The following ARV1 variants were observed in gnomAD, a reference collection of about 807,000 sequenced individuals.
ARV1 encodes ARV1 fatty acid homeostasis modulator.
In ARV1, 26 loss-of-function variants were observed where a neutral mutation model predicts 31.1. That is an observed-to-expected ratio of 0.84 (90% CI 0.61 to 1.16). The LOEUF is 1.16. ARV1 is among the 50% of genes most tolerant of loss of function. The probability of loss-of-function intolerance (pLI) is 0.00; values close to 1 mark genes in which losing one functional copy is unlikely to be tolerated. For synonymous variants in ARV1, 117 were observed against 123.2 expected, an observed-to-expected ratio of 0.95 and a Z score of 0.34; for missense variants, 281 against 324.9, an observed-to-expected ratio of 0.86 and a Z score of 1.04.
At chr1:230,986,666 C>CTTTTTTTTTT (rs1558242688) in intron 1 of ARV1, among the ~76,000 whole-genome samples, 17 of 79,688 alleles carry the variant, frequency 2.1e-4, no homozygotes, top group Non-Finnish European at 2.7e-4. Context: ...AATACTTTTC[C>CTTTTTTTTTT]TATTTTTTTT....
In ARV1 at chr1:230,979,235, T is replaced by A. The variant is rs1300732637; in HGVS notation, c.130T>A (p.Leu44Met). The change falls in exon 1 of 6, where the codon TTG (leucine) becomes ATG (methionine). Residue 44 changes from leucine (L) to methionine (M), a missense_variant. Leu to Met is a conservative substitution (Grantham distance 15). Coordinates refer to ENST00000310256, the MANE Select transcript of ARV1 (RefSeq NM_022786.3). Reference sequence around the variant, plus strand: ...CGAATGCAACCAGGAGGCCAAAGAGTTGTACCGAGACTATAACCACGGTGT... The same window carrying A: ...CGAATGCAACCAGGAGGCCAAAGAGATGTACCGAGACTATAACCACGGTGT... ...CIECNQEAKE[L>M]YRDYNHGVLK... 1 of 1,612,740 alleles carries A rather than the reference T, an allele frequency of 6.2e-7. No homozygotes were observed. Among genetic ancestry groups the A allele is most frequent in the African/African-American group, 1.3e-5 (1 of 74,734 alleles).
intron 3 of ARV1, among the ~76,000 whole-genome samples, chr1:230,995,054 G>C (rs1457080900): frequency 6.6e-6 from 1 of 152,156 alleles, no homozygotes; most frequent in East Asian, 1.9e-4. Context: ...GGATACAGTT[G>C]GGTAATCGGA....
Position 230,990,261 on chromosome 1 carries a change from T to C in ARV1, c.446T>C (p.Leu149Ser), listed in dbSNP as rs1168735375. Residue 149 changes from leucine to serine, a missense_variant and splice_region_variant, in exon 3 of 6, where the codon TTA (leucine) becomes TCA (serine). Leu to Ser is a moderately radical substitution (Grantham distance 145). Coordinates refer to ENST00000310256, the MANE Select transcript of ARV1 (RefSeq NM_022786.3). ...TATAGAATGTTTGCGATTGCTGCTTTAGGTAAGGAGATGCCATGCTTTCCA... is the reference window on the plus strand; with the variant it reads ...TATAGAATGTTTGCGATTGCTGCTTCAGGTAAGGAGATGCCATGCTTTCCA... Reference protein sequence around the residue: ...DFYRMFAIAALEQTAYFIGIF... With the variant: ...DFYRMFAIAASEQTAYFIGIF... 6.2e-7 allele frequency: 1 copy of C among 1,612,864 alleles called. No homozygotes were observed. The highest frequency in any genetic ancestry group is 8.5e-7 in the Non-Finnish European group (1 of 1,179,844).
chr1:230,984,351 TGTGTGTGTGTGC>T (rs1363516486), intron 1 of ARV1, among the ~76,000 whole-genome samples: 15 of 71,350 alleles, frequency 2.1e-4, no homozygotes, highest in East Asian at 1.9e-3. Context: ...TTCGTGTGTG[TGTGTGTGTGTGC>T]GTGTGTGTGT....
At chr1:230,998,245 A>C (rs1455014805) in intron 5 of ARV1, among the ~76,000 whole-genome samples, 1 of 152,126 alleles carries the variant, frequency 6.6e-6, no homozygotes, top group African/African-American at 2.4e-5. Flanking sequence ...TGAGGAAAAC[A>C]CTGGAGCAGA....
Position 230,990,249 on chromosome 1 carries a change from C to A in ARV1, c.434C>A (p.Ala145Glu), listed in dbSNP as rs372883498. Residue 145 changes from alanine (A) to glutamate (E), a missense_variant, in exon 3 of 6, where the codon GCG (alanine) becomes GAG (glutamate). Physicochemically the swap from Ala to Glu is moderately radical, Grantham distance 107 (BLOSUM62 -1). Transcript: ENST00000310256. ...GAATGGGATTTCTATAGAATGTTTG[C>A]GATTGCTGCTTTAGGTAAGGAGATG... is the stretch of plus-strand genomic sequence containing the variant. ...AKEWDFYRMFAIAALEQTAYF... is the reference protein window; with the variant it reads ...AKEWDFYRMFEIAALEQTAYF... The A allele has an allele frequency of 1.9e-6, 3 of 1,612,298 alleles. No individual in the cohort carries two copies. Among genetic ancestry groups the A allele is most frequent in the Non-Finnish European group, 1.7e-6 (2 of 1,179,724 alleles).
At chr1:230,989,666 C>T (rs1679176049) in intron 2 of ARV1, among the ~76,000 whole-genome samples, 1 of 152,168 alleles carries the variant, frequency 6.6e-6, no homozygotes, top group African/African-American at 2.4e-5. Context: ...ATGGAATCTT[C>T]AGATTAAGTC....
intron 3 of ARV1, among the ~76,000 whole-genome samples, chr1:230,993,316 G>A (rs1679281637): frequency 6.6e-6 from 1 of 152,116 alleles, no homozygotes; most frequent in Non-Finnish European, 1.5e-5. Flanking sequence ...GGTTGGTCTT[G>A]AACTCCTGGG....
intron 1 of ARV1, among the ~76,000 whole-genome samples, chr1:230,984,363 C>CGTGTGG (rs1678997142): frequency 7.7e-6 from 1 of 129,762 alleles, no homozygotes; most frequent in Non-Finnish European, 1.6e-5. Flanking sequence ...TGTGTGTGTG[C>CGTGTGG]GTGTGTGTGT....
At chr1:230,992,784 T>C (rs999236607) in intron 3 of ARV1, among the ~76,000 whole-genome samples, 5 of 152,214 alleles carry the variant, frequency 3.3e-5, no homozygotes, top group African/African-American at 1.2e-4. Context: ...GTTACTACTT[T>C]AGGTACTTTA....
In ARV1 at chr1:230,981,168, G is replaced by A. The variant is rs140676903; in HGVS notation, c.174+1889G>A. Among the ~76,000 whole-genome samples the A allele has an allele frequency of 5.7e-3, 866 of 152,274 alleles. 4 individuals are homozygous for A. Among genetic ancestry groups the A allele is most frequent in the African/African-American group, 0.02 (820 of 41,538 alleles). On this transcript the variant is annotated intron_variant, in intron 1 of 5. Coordinates refer to ENST00000310256, the MANE Select transcript of ARV1 (RefSeq NM_022786.3). ...ACCTCCCTTACCTCTTAATCATGGT[G>A]TATTCCAACGCATAGTCATCGTGCC...
At chr1:230,993,487 T>C (rs575567555) in intron 3 of ARV1, among the ~76,000 whole-genome samples, 22 of 152,356 alleles carry the variant, frequency 1.4e-4, no homozygotes, top group Admixed American at 4.6e-4. Flanking sequence ...GTTGGAATTC[T>C]TATAGCAACT....
rs1679342519 is a variant in ARV1, at chr1:230,995,745, C to A, written c.449-15C>A. 1.9e-6 allele frequency: 3 copies of A among 1,592,800 alleles called. No individual in the cohort carries two copies. In the East Asian group the frequency reaches 6.7e-5, roughly 36 times the overall value. The stretch of plus-strand genomic sequence containing the variant: ...ATGGGGACATTCATACTTTTATTTT[C>A]CATTTCTTCTTTAGAACAAACTGCC... On this transcript the variant is annotated splice_polypyrimidine_tract_variant and intron_variant, in intron 3 of 5. Coordinates refer to ENST00000310256, the MANE Select transcript of ARV1 (RefSeq NM_022786.3).
chr1:230,988,340 A>T lies in ARV1; in HGVS notation c.195A>T (p.Val65=). 1 of 1,594,498 alleles carries T rather than the reference A, an allele frequency of 6.3e-7. No homozygotes were observed. The highest frequency in any genetic ancestry group is 1.1e-5 in the South Asian group (1 of 89,326). Residue 65 remains valine (V), a synonymous_variant, in exon 2 of 6, where the codon GTA becomes GTT. Coordinates refer to ENST00000310256, the MANE Select transcript of ARV1 (RefSeq NM_022786.3). The part of the protein sequence containing the change: ...ITICKSCQKP[V]DKYIEYDPVI... Reference sequence around the variant, plus strand: ...TTCAGAAATCCTGCCAGAAACCTGTAGACAAATATATCGAGTATGATCCTG... The same window carrying T: ...TTCAGAAATCCTGCCAGAAACCTGTTGACAAATATATCGAGTATGATCCTG...
At chr1:230,998,787 T>G (rs1001738518) in intron 5 of ARV1, among the ~76,000 whole-genome samples, 1 of 151,074 alleles carries the variant, frequency 6.6e-6, no homozygotes, top group African/African-American at 2.4e-5. Context: ...GGCGTACACC[T>G]GTACTCCCAA....
intron 3 of ARV1, among the ~76,000 whole-genome samples, chr1:230,992,378 C>A (rs1162172149): frequency 6.6e-6 from 1 of 152,180 alleles, no homozygotes; most frequent in Non-Finnish European, 1.5e-5. Flanking sequence ...TCCTGCATAC[C>A]CCTCAAGAGT....
intron 1 of ARV1, among the ~76,000 whole-genome samples, chr1:230,983,873 T>C (rs1678979323): frequency 1.3e-5 from 2 of 152,234 alleles, no homozygotes; most frequent in African/African-American, 4.8e-5. Flanking sequence ...GATTTTTCTC[T>C]TTTCAGGATA....
intron 2 of ARV1, 75 bp downstream of exon 2, chr1:230,988,514 C>A: frequency 1.6e-6 from 2 of 1,273,520 alleles, no homozygotes; most frequent in Non-Finnish European, 2.1e-6. Flanking sequence ...GAATTTTAAA[C>A]AGAAGTAAAG....
At chr1:230,995,407 C>T (rs1351152006) in intron 3 of ARV1, among the ~76,000 whole-genome samples, 1 of 152,120 alleles carries the variant, frequency 6.6e-6, no homozygotes, top group Admixed American at 6.5e-5. Flanking sequence ...CCTGCATTCT[C>T]CTGTTTTATT....
Sources: allele counts gnomAD v4.1 joint callset (sites outside exome capture counted in the v4.1 genomes callset), GRCh38; gene constraint gnomAD v4.1.1; transcripts MANE v1.5; gene names NCBI Gene and HGNC (gene_info 2026-07-23, HGNC 2026-07-21).